The following LMX1B variants were observed in gnomAD, a reference collection of about 807,000 sequenced individuals.
LMX1B encodes the protein LIM homeobox transcription factor 1-beta.
LMX1B carries 12 observed loss-of-function variants against 51.4 expected under a neutral mutation model. The observed-to-expected ratio is 0.23, with a 90% confidence interval of 0.15 to 0.38. LMX1B has a LOEUF of 0.38. LMX1B is among the 10% of genes least tolerant of loss of function. The probability of loss-of-function intolerance (pLI) is 1.00; values close to 1 mark genes in which losing one functional copy is unlikely to be tolerated. For missense variants in LMX1B, 445 were observed against 571.1 expected (o/e 0.78, Z 2.25); for synonymous variants, 237 against 235.4 (o/e 1.01, Z -0.06).
At chr9:126,666,643 C>G (rs1276368618) in intron 2 of LMX1B, among the ~76,000 whole-genome samples, 1 of 152,220 alleles carries the variant, frequency 6.6e-6, no homozygotes, top group Admixed American at 6.5e-5. Context: ...TACGCATGTT[C>G]TATGTGCTGT....
At position 126,695,320 on chromosome 9, in the gene LMX1B, G is replaced by A. The variant is rs7864056; in HGVS notation, c.887-519G>A. ...CCTCTCAGCTGGTCTCCCCCACACC[G>A]ACCTCTCTCCCTGCCTCTTGGCCCC... On this transcript the variant is annotated intron_variant, in intron 6 of 7. Transcript: ENST00000373474. This position sits in a 1 kb window ranked among gnomAD's most constrained non-coding sequence, Gnocchi z 5.2. Among the ~76,000 whole-genome samples, 29,413 of 152,014 alleles carry A rather than the reference G, an allele frequency of 0.19. 3,817 individuals are homozygous for A. Among genetic ancestry groups the A allele is most frequent in the African/African-American group, 0.35 (14,496 of 41,434 alleles).
At position 126,699,794 on chromosome 9, in the gene LMX1B, G is replaced by A. The variant is rs1050739317; in HGVS notation, c.*3343G>A. ...TCAGGGCCACCCAGCAGAAGCCTGT[G>A]GGGCTGGGCAACCTTCTCCCACTTT... On this transcript the variant is annotated 3_prime_UTR_variant, in exon 8 of 8. Coordinates refer to ENST00000373474, the MANE Select transcript of LMX1B (RefSeq NM_001174147.2). 1.3e-5 allele frequency: 2 copies of A among 152,280 alleles called. No homozygotes were observed. Among genetic ancestry groups the A allele is most frequent in the Non-Finnish European group, 1.5e-5 (1 of 68,104 alleles). The allele number at this position is 152,280 out of a possible 1,614,324, so 9.4% of individuals were successfully genotyped here. A position where few individuals can be genotyped will look rare whatever the true frequency, so the allele number is the denominator to read the frequency against.
At chr9:126,665,485 G>A (rs1836324991) in intron 2 of LMX1B, among the ~76,000 whole-genome samples, 2 of 152,214 alleles carry the variant, frequency 1.3e-5, no homozygotes, top group African/African-American at 2.4e-5. Context: ...GCCCAGTTTG[G>A]AGCTTGGCGG....
At chr9:126,631,272 A>G (rs1188676442) in intron 2 of LMX1B, among the ~76,000 whole-genome samples, 1 of 152,270 alleles carries the variant, frequency 6.6e-6, no homozygotes, top group Admixed American at 6.5e-5. Context: ...CAAAAGATTT[A>G]AATTAAAATA....
At chr9:126,674,458 G>A (rs946001130) in intron 2 of LMX1B, among the ~76,000 whole-genome samples, 2 of 152,200 alleles carry the variant, frequency 1.3e-5, no homozygotes, top group Non-Finnish European at 2.9e-5. Flanking sequence ...GGGGCCTGGG[G>A]CCACCTGTGG....
intron 2 of LMX1B, among the ~76,000 whole-genome samples, chr9:126,688,031 T>G (rs868647204): frequency 2.0e-5 from 3 of 152,218 alleles, no homozygotes; most frequent in Non-Finnish European, 4.4e-5. Flanking sequence ...GATGTTTTAT[T>G]GGGTGGAGAG....
In LMX1B at chr9:126,677,931, T is replaced by C. The variant is rs1160983419; in HGVS notation, c.327-12905T>C. 1.3e-5 allele frequency among the ~76,000 whole-genome samples: 2 copies of C among 152,102 alleles called. No homozygotes were observed. The highest frequency in any genetic ancestry group is 4.8e-5 in the African/African-American group (2 of 41,418). On this transcript the variant is annotated intron_variant, in intron 2 of 7. Coordinates refer to ENST00000373474, the MANE Select transcript of LMX1B (RefSeq NM_001174147.2). The surrounding 1 kb of genome is among the most constrained non-coding windows in gnomAD (Gnocchi z 5.0). Reference sequence around the variant, plus strand: ...ATAGGATGGGAAATAAGGGAGGAGATGGTTGGTCCTCCCTCTGGAGGAGAG... The same window carrying C: ...ATAGGATGGGAAATAAGGGAGGAGACGGTTGGTCCTCCCTCTGGAGGAGAG...
intron 2 of LMX1B, among the ~76,000 whole-genome samples, chr9:126,647,783 A>C (rs944106): frequency 0.47 from 71,672 of 152,182 alleles, 18,174 homozygotes; most frequent in East Asian, 0.97. Context: ...TTAGCGCAAC[A>C]CCAGGCCCAA....
chr9:126,693,415 A>T, intron 4 of LMX1B, 92 bp downstream of exon 4: 1 of 1,533,864 alleles, frequency 6.5e-7, no homozygotes, highest in East Asian at 2.3e-5. Flanking sequence ...GGGGGTAGGG[A>T]CATCCCTCCA....
intron 2 of LMX1B, among the ~76,000 whole-genome samples, chr9:126,622,244 A>G (rs1300222637): frequency 6.6e-6 from 1 of 152,140 alleles, no homozygotes; most frequent in Non-Finnish European, 1.5e-5. Flanking sequence ...ACTGGGGGGA[A>G]GTGTTGCTGA....
chr9:126,650,889 A>G (rs777004038), intron 2 of LMX1B, among the ~76,000 whole-genome samples: 1 of 152,234 alleles, frequency 6.6e-6, no homozygotes, highest in Non-Finnish European at 1.5e-5. Flanking sequence ...GGAGTGCAGA[A>G]CCCAGCTTTT....
chr9:126,687,544 T>C (rs2029949390), intron 2 of LMX1B, among the ~76,000 whole-genome samples: 5 of 152,206 alleles, frequency 3.3e-5, no homozygotes. Context: ...ATTCCCATTT[T>C]ATAGATGAAG....
intron 2 of LMX1B, among the ~76,000 whole-genome samples, chr9:126,659,335 C>T (rs1479051043): frequency 1.3e-5 from 2 of 152,344 alleles, no homozygotes; most frequent in Non-Finnish European, 2.9e-5. Flanking sequence ...GCTGGGAAGG[C>T]GCCCTCCAGC....
At chr9:126,623,278 G>A (rs1197289934) in intron 2 of LMX1B, among the ~76,000 whole-genome samples, 2 of 152,244 alleles carry the variant, frequency 1.3e-5, no homozygotes, top group Non-Finnish European at 2.9e-5. Context: ...CTGTGGATGG[G>A]CCCTCATTAC....
At chr9:126,627,508 G>T (rs543573057) in intron 2 of LMX1B, among the ~76,000 whole-genome samples, 1 of 152,156 alleles carries the variant, frequency 6.6e-6, no homozygotes, top group African/African-American at 2.4e-5. Context: ...TTGCCTTGGT[G>T]CTGGGAGCCC....
intron 2 of LMX1B, among the ~76,000 whole-genome samples, chr9:126,622,861 A>T (rs1835443123): frequency 6.6e-6 from 1 of 152,236 alleles, no homozygotes; most frequent in South Asian, 2.1e-4. Context: ...TCTCCCAGTG[A>T]CAAAGGCCAA....
chr9:126,651,826 G>A (rs1836014994), intron 2 of LMX1B, among the ~76,000 whole-genome samples: 1 of 152,250 alleles, frequency 6.6e-6, no homozygotes, highest in South Asian at 2.1e-4. Context: ...CAACAGGCGG[G>A]GTCTGCTCTG....
chr9:126,624,765 C>T (rs747019704), intron 2 of LMX1B, among the ~76,000 whole-genome samples: 1 of 151,164 alleles, frequency 6.6e-6, no homozygotes, highest in Non-Finnish European at 1.5e-5. Flanking sequence ...AGATTTCGAA[C>T]AAAGACAGTT....
chr9:126,623,713 G>A (rs372406556), intron 2 of LMX1B, among the ~76,000 whole-genome samples: 14 of 152,126 alleles, frequency 9.2e-5, no homozygotes, highest in South Asian at 6.2e-4. Context: ...GGTGGGGAGG[G>A]GGAGTCGCTA....
Sources: allele counts gnomAD v4.1 joint callset (sites outside exome capture counted in the v4.1 genomes callset), GRCh38; gene constraint gnomAD v4.1.1; non-coding constraint Gnocchi (gnomAD v3.1); transcripts MANE v1.5; gene names NCBI Gene and HGNC (gene_info 2026-07-23, HGNC 2026-07-21).